Variants in TAFA5 observed in about 807,000 individuals in gnomAD.
TAFA5 encodes the protein chemokine-like protein TAFA-5.
TAFA5 carries 6 observed loss-of-function variants against 15.3 expected under a neutral mutation model. That is an observed-to-expected ratio of 0.39 (90% CI 0.21 to 0.77). TAFA5 has a LOEUF of 0.77. Among genes scored for constraint, TAFA5 ranks in the 30% least tolerant of loss-of-function variants. The pLI, the probability that TAFA5 is intolerant of heterozygous loss-of-function variation, is 0.41. For missense variants in TAFA5, 161 were observed against 193.1 expected, an observed-to-expected ratio of 0.83 and a Z score of 0.98; for synonymous variants, 103 against 80.7, an observed-to-expected ratio of 1.28 and a Z score of -1.48.
chr22:48,702,430 C>A (rs1000441197), intron 2 of TAFA5, among the ~76,000 whole-genome samples: 1 of 152,080 alleles, frequency 6.6e-6, no homozygotes, highest in African/African-American at 2.4e-5. Context: ...TCCTATGCCC[C>A]CTTTCTATCC....
At chr22:48,542,274 TG>T (rs199651526) in intron 1 of TAFA5, among the ~76,000 whole-genome samples, 3,924 of 134,172 alleles carry the variant, frequency 0.029, 233 homozygotes, top group East Asian at 0.23. Context: ...GTGGTGTGTG[TG>T]GGGGGTGTGT....
chr22:48,672,474 G>T (rs1927832489), intron 2 of TAFA5, among the ~76,000 whole-genome samples: 1 of 152,208 alleles, frequency 6.6e-6, no homozygotes, highest in Non-Finnish European at 1.5e-5. Context: ...AAATGGGTGA[G>T]ATTGAAGAAG....
intron 3 of TAFA5, among the ~76,000 whole-genome samples, chr22:48,727,220 T>TA (rs1929740600): frequency 6.6e-6 from 1 of 152,142 alleles, no homozygotes; most frequent in South Asian, 2.1e-4. Context: ...ACTATGGCTA[T>TA]AAAATTGAAC....
At chr22:48,697,035 A>G (rs1295280675) in intron 2 of TAFA5, among the ~76,000 whole-genome samples, 2 of 152,182 alleles carry the variant, frequency 1.3e-5, no homozygotes, top group African/African-American at 4.8e-5. Flanking sequence ...AGGGATGGGG[A>G]AGATGGCGTG....
At chr22:48,685,128 A>G (rs1035388663) in intron 2 of TAFA5, among the ~76,000 whole-genome samples, 2 of 152,226 alleles carry the variant, frequency 1.3e-5, no homozygotes, top group Non-Finnish European at 2.9e-5. Context: ...CTTCCAGGTC[A>G]TAGGTGGATT....
rs554062000 is a variant in TAFA5 at position 48,500,824 on chromosome 22, G to A, written c.112+11120G>A. On this transcript the variant is annotated intron_variant, in intron 1 of 3. Coordinates refer to ENST00000402357, the MANE Select transcript of TAFA5 (RefSeq NM_001082967.3). ...ACAGGGCTGGGGGACTCAGGAGGTG[G>A]GGATGGGCCTGGCCCTGCTCGGGTA... Among the ~76,000 whole-genome samples the A allele has an allele frequency of 3.9e-5, 6 of 152,358 alleles. No individual in the cohort carries two copies. In the South Asian group the frequency reaches 1.2e-3, roughly 32 times the overall value.
At chr22:48,499,826 G>A (rs1243418057) in intron 1 of TAFA5, among the ~76,000 whole-genome samples, 1 of 152,168 alleles carries the variant, frequency 6.6e-6, no homozygotes, top group Non-Finnish European at 1.5e-5. Flanking sequence ...TCCCCTTGTC[G>A]TGCATGTGGT....
At chr22:48,661,280 C>A (rs1279925021) in intron 2 of TAFA5, among the ~76,000 whole-genome samples, 1 of 152,186 alleles carries the variant, frequency 6.6e-6, no homozygotes, top group African/African-American at 2.4e-5. Context: ...CGGCCCCGAG[C>A]CGCCTCGGGC....
At chr22:48,708,565 C>G (rs1929155142) in intron 3 of TAFA5, among the ~76,000 whole-genome samples, 1 of 152,234 alleles carries the variant, frequency 6.6e-6, no homozygotes, top group African/African-American at 2.4e-5. Flanking sequence ...GGAGCCCACG[C>G]CCACGTGCAT....
chr22:48,712,743 G>A (rs547160892), intron 3 of TAFA5, among the ~76,000 whole-genome samples: 11 of 152,322 alleles, frequency 7.2e-5, no homozygotes, highest in Middle Eastern at 3.4e-3. Flanking sequence ...TTCTTGGCCC[G>A]CCACTCTGGC....
At position 48,623,727 on chromosome 22, in the gene TAFA5, G is replaced by A. The variant is rs77057106; in HGVS notation, c.113-22870G>A. On this transcript the variant is annotated intron_variant, in intron 1 of 3. Coordinates refer to ENST00000402357, the MANE Select transcript of TAFA5 (RefSeq NM_001082967.3). ...CACGGCGGCCCGAGGCCTCTGCTGG[G>A]CTCCTCACGGTGCACGTCAGAAAGC... Among the ~76,000 whole-genome samples, 1,484 of 152,352 alleles carry A rather than the reference G, an allele frequency of 9.7e-3. 27 individuals are homozygous for A. The highest frequency in any genetic ancestry group is 0.034 in the African/African-American group (1,427 of 41,582).
intron 1 of TAFA5, among the ~76,000 whole-genome samples, chr22:48,501,649 G>A (rs1302241294): frequency 6.6e-6 from 1 of 152,326 alleles, no homozygotes; most frequent in East Asian, 1.9e-4. Flanking sequence ...GGGCCCCAGG[G>A]AATCTGATGG....
At chr22:48,575,583 C>A (rs907617139) in intron 1 of TAFA5, among the ~76,000 whole-genome samples, 2 of 146,164 alleles carry the variant, frequency 1.4e-5, no homozygotes, top group African/African-American at 4.9e-5. Context: ...CCGGCCCCAC[C>A]TGTAGGCGCG....
chr22:48,709,099 G>A (rs1254544990), intron 3 of TAFA5, among the ~76,000 whole-genome samples: 1 of 152,198 alleles, frequency 6.6e-6, no homozygotes, highest in African/African-American at 2.4e-5. Flanking sequence ...GGGACCTCTT[G>A]CATTTGTGGA....
At chr22:48,514,418 AGCCAGGGAATAACTTC>A (rs1356998674) in intron 1 of TAFA5, among the ~76,000 whole-genome samples, 1 of 152,202 alleles carries the variant, frequency 6.6e-6, no homozygotes, top group Non-Finnish European at 1.5e-5. Context: ...TAATTTTGGT[AGCCAGGGAATAACTTC>A]GCCATGACTT....
intron 2 of TAFA5, among the ~76,000 whole-genome samples, chr22:48,647,143 C>G (rs915404442): frequency 6.6e-6 from 1 of 152,130 alleles, no homozygotes; most frequent in South Asian, 2.1e-4. Context: ...AGGCTGCCAG[C>G]GGGACCTGGC....
At chr22:48,515,879 C>A (rs1219122516) in intron 1 of TAFA5, among the ~76,000 whole-genome samples, 1 of 151,948 alleles carries the variant, frequency 6.6e-6, no homozygotes, top group Non-Finnish European at 1.5e-5. Flanking sequence ...ACTGCTGGCT[C>A]CCCCAGGGGT....
chr22:48,508,823 G>A (rs753463029), intron 1 of TAFA5, among the ~76,000 whole-genome samples: 31 of 151,968 alleles, frequency 2.0e-4, no homozygotes, highest in East Asian at 1.2e-3. Flanking sequence ...TGTTGGGAAC[G>A]CTCAAGATCC....
chr22:48,734,137 G>A (rs992799576), intron 3 of TAFA5, among the ~76,000 whole-genome samples: 1 of 152,236 alleles, frequency 6.6e-6, no homozygotes, highest in Admixed American at 6.5e-5. Context: ...TGAAATAAAT[G>A]AGAGGGGAAA....
Sources: gnomAD v4.1 joint callset for allele counts (sites outside exome capture counted in the v4.1 genomes callset) on GRCh38, gnomAD v4.1.1 for gene constraint, MANE v1.5 for transcripts, NCBI Gene and HGNC (gene_info 2026-07-23, HGNC 2026-07-21) for gene names.